Variants in KCNQ1 observed in about 807,000 individuals in gnomAD.
KCNQ1 encodes potassium voltage-gated channel subfamily KQT member 1.
KCNQ1 carries 49 observed loss-of-function variants against 72.4 expected under a neutral mutation model. The ratio of observed to expected loss-of-function variants is 0.68; its 90% CI spans 0.54 to 0.86. The LOEUF (loss-of-function observed/expected upper bound fraction) is 0.86, where lower values mean the gene tolerates loss of function less well. Ranked by LOEUF, KCNQ1 falls within the 40% of genes least tolerant of loss-of-function variation. The probability of loss-of-function intolerance (pLI) is 0.00; values close to 1 mark genes in which losing one functional copy is unlikely to be tolerated. For synonymous variants in KCNQ1, 450 were observed against 412.6 expected, an observed-to-expected ratio of 1.09 and a Z score of -1.10; for missense variants, 790 against 945.1, an observed-to-expected ratio of 0.84 and a Z score of 2.15.
chr11:2,584,421 G>A (rs1207858934), intron 7 of KCNQ1, among the ~76,000 whole-genome samples: 1 of 148,244 alleles, frequency 6.7e-6, no homozygotes, highest in Non-Finnish European at 1.5e-5. Flanking sequence ...TTCTGTGTTA[G>A]TGTGTGTGTT....
At chr11:2,779,604 C>A (rs918589691) in intron 15 of KCNQ1, among the ~76,000 whole-genome samples, 2 of 152,214 alleles carry the variant, frequency 1.3e-5, no homozygotes, top group Non-Finnish European at 2.9e-5. Context: ...ATTGCCTACA[C>A]TACTGTCCCA....
chr11:2,572,218 T>A (rs556336616), intron 5 of KCNQ1, 109 bp downstream of exon 5: 1 of 784,250 alleles, frequency 1.3e-6, no homozygotes, highest in African/African-American at 1.7e-5. Context: ...CGGGGGCCGG[T>A]GGGTGCCTGG....
chr11:2,773,565 T>C (rs1260896095), intron 12 of KCNQ1, among the ~76,000 whole-genome samples: 2 of 146,502 alleles, frequency 1.4e-5, no homozygotes, highest in Non-Finnish European at 3.0e-5. Flanking sequence ...ATTTTCATCC[T>C]ATAGGAAGGA....
At position 2,711,814 on chromosome 11, in the gene KCNQ1, T is replaced by A. The variant is rs1465691388; in HGVS notation, c.1514+49733T>A. Among the ~76,000 whole-genome samples, 2 of 152,158 alleles carry A rather than the reference T, an allele frequency of 1.3e-5. No homozygotes were observed. Among genetic ancestry groups the A allele is most frequent in the Non-Finnish European group, 2.9e-5 (2 of 68,036 alleles). The stretch of plus-strand genomic sequence containing the variant: ...GGGTCTCAAATCCACTCAGCAGACT[T>A]AGGAGGGAGGGTCCTGGCACTGCTT... On this transcript the variant is annotated intron_variant, in intron 11 of 15. Coordinates refer to ENST00000155840, the MANE Select transcript of KCNQ1 (RefSeq NM_000218.3). This position sits in a 1 kb window ranked among gnomAD's most constrained non-coding sequence, Gnocchi z 5.4.
rs1206994025 is a variant in KCNQ1 at position 2,673,027 on chromosome 11, A to G, written c.1514+10946A>G. ...GAATCAATGTGTTACTTGAACAAAT[A>G]TAGGGTCTAGGGCTGGCCAAAAGGG... On this transcript the variant is annotated intron_variant, in intron 11 of 15. Coordinates refer to ENST00000155840, the MANE Select transcript of KCNQ1 (RefSeq NM_000218.3). This position sits in a 1 kb window ranked among gnomAD's most constrained non-coding sequence, Gnocchi z 4.5. 1.5e-5 allele frequency: 6 copies of G among 398,698 alleles called. No homozygotes were observed. Among genetic ancestry groups the G allele is most frequent in the African/African-American group, 6.2e-5 (3 of 48,762 alleles). 24.7% of individuals were successfully genotyped at this position (398,698 alleles called of 1,614,324 possible).
chr11:2,797,761 A>C, intron 15 of KCNQ1, among the ~76,000 whole-genome samples: 3 of 150,266 alleles, frequency 2.0e-5, no homozygotes, highest in Admixed American at 6.6e-5. Flanking sequence ...TTGTGCCTGC[A>C]CTCCCTCCCC....
chr11:2,615,006 T>C (rs79323575), intron 10 of KCNQ1: 7,234 of 398,436 alleles, frequency 0.018, 284 homozygotes, highest in East Asian at 0.11. Context: ...TAACAATATT[T>C]AATCTTCCAA....
Position 2,703,041 on chromosome 11 carries a change from A to G in KCNQ1, c.1514+40960A>G, listed in dbSNP as rs1850846145. ...GTTTGTTGTCTCGTCGGGCGACAAG[A>G]GACACGTGGGAATTGGCTAGAGAAG... On this transcript the variant is annotated intron_variant, in intron 11 of 15. Coordinates refer to ENST00000155840, the MANE Select transcript of KCNQ1 (RefSeq NM_000218.3). This position sits in a 1 kb window ranked among gnomAD's most constrained non-coding sequence, Gnocchi z 6.4. Among the ~76,000 whole-genome samples the G allele has an allele frequency of 6.6e-6, 1 of 152,072 alleles. No homozygotes were observed. The highest frequency in any genetic ancestry group is 6.5e-5 in the Admixed American group (1 of 15,276).
At position 2,477,169 on chromosome 11, in the gene KCNQ1, C is replaced by T. The variant is rs998280135; in HGVS notation, c.386+31685C>T. Among the ~76,000 whole-genome samples the T allele has an allele frequency of 6.6e-6, 1 of 152,174 alleles. No homozygotes were observed. Among genetic ancestry groups the T allele is most frequent in the Non-Finnish European group, 1.5e-5 (1 of 68,042 alleles). On this transcript the variant is annotated intron_variant, in intron 1 of 15. Transcript: ENST00000155840. The surrounding 1 kb of genome is among the most constrained non-coding windows in gnomAD (Gnocchi z 5.0). ...GAACGTCCACAGCTGACGGTGAACA[C>T]ATTGGCAGGTGAGATATGTGGAGAC... is the stretch of plus-strand genomic sequence containing the variant.
intron 1 of KCNQ1, among the ~76,000 whole-genome samples, chr11:2,472,194 TATGTGTGCAC>T (rs1223469161): frequency 6.6e-6 from 1 of 151,408 alleles, no homozygotes; most frequent in Non-Finnish European, 1.5e-5. Context: ...TGTGCATGTC[TATGTGTGCAC>T]ATGTGTGTAG....
rs561932959 is a variant in KCNQ1, at chr11:2,481,095, C to T, written c.386+35611C>T. Among the ~76,000 whole-genome samples, 7 of 152,304 alleles carry T rather than the reference C, an allele frequency of 4.6e-5. No homozygotes were observed. Among genetic ancestry groups the T allele is most frequent in the Non-Finnish European group, 8.8e-5 (6 of 68,026 alleles). On this transcript the variant is annotated intron_variant, in intron 1 of 15. Coordinates refer to ENST00000155840, the MANE Select transcript of KCNQ1 (RefSeq NM_000218.3). This position sits in a 1 kb window ranked among gnomAD's most constrained non-coding sequence, Gnocchi z 4.6. ...TGGATTTCACTCATAGCCACGAGAA[C>T]GGGTGGTGGTCTCTTCTGCAGTGAA...
chr11:2,663,224 G>A lies in KCNQ1; in HGVS notation c.1514+1143G>A, dbSNP rs956950345. On this transcript the variant is annotated intron_variant, in intron 11 of 15. Transcript: ENST00000155840. The surrounding 1 kb of genome is among the most constrained non-coding windows in gnomAD (Gnocchi z 5.2). ...GGTAGGGTGTGAAGAGGCTCCAAGG[G>A]AGCCAGCAGATCACTGGAAAGCAGG... 34 of 398,624 alleles carry A rather than the reference G, an allele frequency of 8.5e-5. No individual in the cohort carries two copies. Among genetic ancestry groups the A allele is most frequent in the Middle Eastern group, 6.2e-4 (1 of 1,610 alleles). 24.7% of individuals were successfully genotyped at this position (398,624 alleles called of 1,614,324 possible). A position where few individuals can be genotyped will look rare whatever the true frequency, so the allele number is the denominator to read the frequency against.
At chr11:2,740,390 C>T (rs1045230451) in intron 11 of KCNQ1, among the ~76,000 whole-genome samples, 2 of 152,226 alleles carry the variant, frequency 1.3e-5, no homozygotes, top group Admixed American at 6.5e-5. Context: ...ATTTAAGGAA[C>T]AATGTTAAGC....
chr11:2,660,915 T>TAA (rs1486340016), intron 10 of KCNQ1: 3 of 398,552 alleles, frequency 7.5e-6, no homozygotes, highest in African/African-American at 6.2e-5. Flanking sequence ...CTTAAAACTA[T>TAA]AAGAGCCTGA....
At position 2,486,499 on chromosome 11, in the gene KCNQ1, G is replaced by T. The variant is rs1348230493; in HGVS notation, c.386+41015G>T. On this transcript the variant is annotated intron_variant, in intron 1 of 15. Transcript: ENST00000155840. This position sits in a 1 kb window ranked among gnomAD's most constrained non-coding sequence, Gnocchi z 5.0. ...TTGTACAAAAATTTTTAATGTTCACGAAGTCCAAGTTGTCTACTTTTTGTT... is the reference window on the plus strand; with the variant it reads ...TTGTACAAAAATTTTTAATGTTCACTAAGTCCAAGTTGTCTACTTTTTGTT... Among the ~76,000 whole-genome samples the T allele has an allele frequency of 6.6e-6, 1 of 152,082 alleles. No homozygotes were observed. The highest frequency in any genetic ancestry group is 6.6e-5 in the Admixed American group (1 of 15,264).
Position 2,793,105 on chromosome 11 carries a change from T to C in KCNQ1, c.1794+15068T>C, listed in dbSNP as rs536611006. Among the ~76,000 whole-genome samples the C allele has an allele frequency of 2.2e-4, 33 of 152,308 alleles. 1 individual carries two copies. The highest frequency in any genetic ancestry group is 7.7e-4 in the African/African-American group (32 of 41,572). On this transcript the variant is annotated intron_variant, in intron 15 of 15. Transcript: ENST00000155840. ...GAGGAGATGCTGATGCCTGGGTGAC[T>C]CATGCTACCTGGCCACCCATCCTCG...
At chr11:2,774,628 G>A (rs1846659023) in intron 12 of KCNQ1, among the ~76,000 whole-genome samples, 2 of 152,314 alleles carry the variant, frequency 1.3e-5, no homozygotes, top group South Asian at 4.1e-4. Flanking sequence ...ACTCCACCAA[G>A]CCTCCGGCAT....
intron 15 of KCNQ1, chr11:2,840,348 G>A (rs10741726): frequency 6.6e-6 from 1 of 152,030 alleles, no homozygotes; most frequent in East Asian, 1.9e-4. Context: ...CTCAAACTTG[G>A]GTTGTTCAGG....
At chr11:2,572,533 C>G (rs1343219525) in intron 5 of KCNQ1, among the ~76,000 whole-genome samples, 8 of 152,230 alleles carry the variant, frequency 5.3e-5, no homozygotes, top group African/African-American at 1.9e-4. Context: ...TGAGGATCTC[C>G]TGGGTCCTGG....
Sources: gnomAD v4.1 joint callset for allele counts (sites outside exome capture counted in the v4.1 genomes callset) on GRCh38, gnomAD v4.1.1 for gene constraint, Gnocchi (gnomAD v3.1) non-coding constraint, MANE v1.5 for transcripts, NCBI Gene and HGNC (gene_info 2026-07-23, HGNC 2026-07-21) for gene names.